DNER: variants seen among roughly 807,000 people sequenced by gnomAD.
DNER encodes delta and Notch-like epidermal growth factor-related receptor.
Under a neutral mutation model 78.2 loss-of-function variants are expected in DNER, and 33 were observed. The observed-to-expected ratio is 0.42, with a 90% CI of 0.32 to 0.56. The LOEUF (loss-of-function observed/expected upper bound fraction) is 0.56. Ranked by LOEUF, DNER falls within the 20% of genes least tolerant of loss-of-function variation. DNER has a pLI of 0.11. For synonymous variants in DNER, 417 were observed against 384.8 expected (o/e 1.08, Z -0.98); for missense variants, 918 against 975.3 (o/e 0.94, Z 0.78).
rs1213769294 is a variant in DNER, at chr2:229,711,232, C to G, written c.276+2916G>C. ...CCAAAGGAGGGAACCCCTGGGCTTT[C>G]TTATCAGCTTGTTTTGATGTGGAGG... On this transcript the variant is annotated intron_variant, in intron 1 of 12. Coordinates refer to ENST00000341772, the MANE Select transcript of DNER (RefSeq NM_139072.4). Among the ~76,000 whole-genome samples the G allele has an allele frequency of 3.3e-5, 5 of 152,160 alleles. 1 individual carries two copies. The Middle Eastern group carries it at 0.017, about 518-fold the overall frequency.
At chr2:229,479,472 G>A (rs1234689027) in intron 6 of DNER, among the ~76,000 whole-genome samples, 1 of 152,116 alleles carries the variant, frequency 6.6e-6, no homozygotes, top group Non-Finnish European at 1.5e-5. Context: ...CAGCACTTTG[G>A]GAGGTTGAAG....
chr2:229,512,957 A>T (rs1476457038), intron 5 of DNER, 21 bp from the exon 6 acceptor site: 5 of 1,610,732 alleles, frequency 3.1e-6, no homozygotes, highest in Non-Finnish European at 4.2e-6. Flanking sequence ...AAAAAAGCAC[A>T]GTGTCTATTA....
chr2:229,539,155 C>T (rs552572917), intron 5 of DNER, among the ~76,000 whole-genome samples: 7 of 152,306 alleles, frequency 4.6e-5, no homozygotes, highest in African/African-American at 1.7e-4. Context: ...CCTCTCCCAT[C>T]CTATTCCTTT....
intron 1 of DNER, among the ~76,000 whole-genome samples, chr2:229,653,801 T>C (rs1450403544): frequency 6.6e-6 from 1 of 152,226 alleles, no homozygotes; most frequent in Non-Finnish European, 1.5e-5. Flanking sequence ...TTTGTAAGCC[T>C]TAGGCCATCT....
chr2:229,448,052 T>C (rs1013243334), intron 7 of DNER, among the ~76,000 whole-genome samples: 1 of 152,186 alleles, frequency 6.6e-6, no homozygotes, highest in African/African-American at 2.4e-5. Context: ...TTCATCCTTG[T>C]CCCTTTGTCT....
chr2:229,598,303 T>C (rs923182179), intron 1 of DNER, among the ~76,000 whole-genome samples: 9 of 152,250 alleles, frequency 5.9e-5, no homozygotes, highest in Non-Finnish European at 8.8e-5. Context: ...CAACTCAATA[T>C]GGCCACTCAG....
intron 1 of DNER, among the ~76,000 whole-genome samples, chr2:229,624,388 T>G (rs1365076765): frequency 1.3e-5 from 2 of 152,120 alleles, no homozygotes; most frequent in South Asian, 4.1e-4. Context: ...AGACACCTAC[T>G]AGAAAAATAC....
chr2:229,487,475 C>T (rs1367830917), intron 6 of DNER, among the ~76,000 whole-genome samples: 2 of 152,188 alleles, frequency 1.3e-5, no homozygotes, highest in Non-Finnish European at 1.5e-5. Flanking sequence ...GAATTCAATA[C>T]CTCAAAGGGG....
intron 1 of DNER, among the ~76,000 whole-genome samples, chr2:229,676,634 A>T (rs746347560): frequency 2.0e-5 from 3 of 152,130 alleles, no homozygotes; most frequent in Non-Finnish European, 4.4e-5. Flanking sequence ...CTCCTCTCTG[A>T]GCAGCACAAT....
At chr2:229,662,373 T>A (rs574018238) in intron 1 of DNER, among the ~76,000 whole-genome samples, 2 of 152,156 alleles carry the variant, frequency 1.3e-5, no homozygotes, top group African/African-American at 4.8e-5. Context: ...CCCAAGGGAG[T>A]ACTCATTATT....
At chr2:229,489,046 A>T (rs1437915076) in intron 6 of DNER, among the ~76,000 whole-genome samples, 1 of 152,266 alleles carries the variant, frequency 6.6e-6, no homozygotes, top group Non-Finnish European at 1.5e-5. Flanking sequence ...AGGAAGATTA[A>T]GTAACTTCCC....
Position 229,436,773 on chromosome 2 carries a change from G to A in DNER, c.1486+10543C>T, listed in dbSNP as rs1314634496. ...AGGGGAATTTGTCACCACCAGACCT[G>A]CTTTACAAGAGGTCCTGAAGGAAGT... On this transcript the variant is annotated intron_variant, in intron 8 of 12. Coordinates refer to ENST00000341772, the MANE Select transcript of DNER (RefSeq NM_139072.4). 2.6e-5 allele frequency among the ~76,000 whole-genome samples: 4 copies of A among 152,174 alleles called. No individual in the cohort carries two copies. In the East Asian group the frequency reaches 7.7e-4, roughly 29 times the overall value.
chr2:229,426,310 G>A lies in DNER; in HGVS notation c.1487-8080C>T, dbSNP rs533897949. Among the ~76,000 whole-genome samples the A allele has an allele frequency of 3.3e-4, 50 of 151,860 alleles. No individual in the cohort carries two copies. The Middle Eastern group carries it at 0.014, about 42-fold the overall frequency. ...CAAAAAATTAGCTGGGCGTGGTGGC[G>A]GGTGCCTGTAGTCCCAGCTACTCCA... On this transcript the variant is annotated intron_variant, in intron 8 of 12. Transcript: ENST00000341772.
intron 11 of DNER, among the ~76,000 whole-genome samples, chr2:229,372,689 G>A (rs1692512634): frequency 6.6e-6 from 1 of 152,190 alleles, no homozygotes; most frequent in Admixed American, 6.5e-5. Flanking sequence ...AGATCCTTCT[G>A]GCTGTGCATG....
At chr2:229,393,863 C>CAAAAA (rs1693073543) in intron 10 of DNER, among the ~76,000 whole-genome samples, 1 of 151,790 alleles carries the variant, frequency 6.6e-6, no homozygotes, top group Non-Finnish European at 1.5e-5. Flanking sequence ...AAAACAAAAA[C>CAAAAA]AAAAACAAAA....
At chr2:229,499,478 G>A (rs1408594915) in intron 6 of DNER, among the ~76,000 whole-genome samples, 1 of 151,030 alleles carries the variant, frequency 6.6e-6, no homozygotes, top group Admixed American at 6.6e-5. Flanking sequence ...TTAAAAATTG[G>A]GAATAGACAG....
chr2:229,441,381 T>C (rs1346036023), intron 8 of DNER, among the ~76,000 whole-genome samples: 2 of 152,166 alleles, frequency 1.3e-5, no homozygotes, highest in African/African-American at 4.8e-5. Context: ...ACACCTGTAG[T>C]TGAACAAGTT....
intron 1 of DNER, among the ~76,000 whole-genome samples, chr2:229,703,496 T>C (rs1699783042): frequency 6.6e-6 from 1 of 152,236 alleles, no homozygotes; most frequent in Non-Finnish European, 1.5e-5. Flanking sequence ...ATCTCTCAGA[T>C]AGGACACAAA....
intron 8 of DNER, among the ~76,000 whole-genome samples, chr2:229,441,049 C>T (rs1559352512): frequency 1.3e-5 from 2 of 151,832 alleles, no homozygotes; most frequent in African/African-American, 2.4e-5. Flanking sequence ...AATCCAAACT[C>T]CTTAGCATCT....
Sources: allele counts gnomAD v4.1 joint callset (sites outside exome capture counted in the v4.1 genomes callset), GRCh38; gene constraint gnomAD v4.1.1; transcripts MANE v1.5; gene names NCBI Gene and HGNC (gene_info 2026-07-23, HGNC 2026-07-21).